SYPL1: variants seen among roughly 807,000 people sequenced by gnomAD.
SYPL1 encodes synaptophysin-like protein 1.
SYPL1 carries 6 observed loss-of-function variants against 23.7 expected under a neutral mutation model. That is an observed-to-expected ratio of 0.25 (90% CI 0.14 to 0.50). SYPL1 has a LOEUF of 0.50. Among genes scored for constraint, SYPL1 ranks in the 20% least tolerant of loss-of-function variants. The pLI is 0.98. For synonymous variants in SYPL1, 102 were observed against 104.5 expected (o/e 0.98, Z 0.15); for missense variants, 253 against 288.9 (o/e 0.88, Z 0.90).
intron 1 of SYPL1, among the ~76,000 whole-genome samples, chr7:106,105,482 A>G (rs1346707893): frequency 1.3e-5 from 2 of 148,938 alleles, no homozygotes; most frequent in African/African-American, 5.0e-5. Flanking sequence ...CCAGAGAAAC[A>G]GTCCCACTTA....
rs1585934300 is a variant in SYPL1 at position 106,093,598 on chromosome 7, C to T, written c.403-461G>A. Among the ~76,000 whole-genome samples the T allele has an allele frequency of 7.1e-5, 5 of 70,104 alleles. 2 individuals are homozygous for T. In the Admixed American group the frequency reaches 1.1e-3, roughly 15 times the overall value. 46.0% of individuals were successfully genotyped at this position (70,104 alleles called of 152,430 possible). A position where few individuals can be genotyped will look rare whatever the true frequency, so the allele number is the denominator to read the frequency against. ...CACCAAGACCTACAATCTGATCCTA[C>T]TGCTTTCTTACTGTATCACCACTTC... On this transcript the variant is annotated intron_variant, in intron 3 of 4. Transcript: ENST00000455385.
upstream of SYPL1, chr7:106,112,510 A>G (rs1213367782): frequency 1.3e-6 from 2 of 1,523,740 alleles, no homozygotes; most frequent in Non-Finnish European, 1.8e-6. Context: ...CTGGCGAACC[A>G]AGTAGATGTT....
At chr7:106,094,200 GT>G (rs1326567068) in intron 3 of SYPL1, among the ~76,000 whole-genome samples, 2 of 152,096 alleles carry the variant, frequency 1.3e-5, no homozygotes, top group Non-Finnish European at 2.9e-5. Flanking sequence ...AACCCAATTA[GT>G]TTTTAATTAT....
rs567592488 is a variant in SYPL1 at position 106,095,795 on chromosome 7, A to T, written c.402+1895T>A. Among the ~76,000 whole-genome samples the T allele has an allele frequency of 2.7e-4, 41 of 152,344 alleles. No homozygotes were observed. Among genetic ancestry groups the T allele is most frequent in the African/African-American group, 9.6e-4 (40 of 41,582 alleles). On this transcript the variant is annotated intron_variant, in intron 3 of 4. Coordinates refer to ENST00000455385, the MANE Select transcript of SYPL1 (RefSeq NM_182715.4). The surrounding 1 kb of genome is among the most constrained non-coding windows in gnomAD (Gnocchi z 4.3). The stretch of plus-strand genomic sequence containing the variant: ...TTAAGGAATTTTGGATTATCTCTTT[A>T]TATGACCACTAATTGGTCATTCTGA...
At chr7:106,105,582 T>C (rs1316096305) in intron 1 of SYPL1, among the ~76,000 whole-genome samples, 2 of 149,762 alleles carry the variant, frequency 1.3e-5, no homozygotes, top group Non-Finnish European at 3.0e-5. Context: ...TACAGCCTGG[T>C]TTTCCAGAGC....
chr7:106,108,739 T>C (rs555598735), intron 1 of SYPL1, among the ~76,000 whole-genome samples: 2 of 152,200 alleles, frequency 1.3e-5, no homozygotes, highest in Non-Finnish European at 2.9e-5. Flanking sequence ...AATTTGGGAA[T>C]AGTCTTTCTC....
upstream of SYPL1, chr7:106,112,541 C>T: frequency 6.6e-7 from 1 of 1,507,894 alleles, no homozygotes; most frequent in Non-Finnish European, 8.8e-7. Flanking sequence ...CTGCGTGCGC[C>T]GCGCCCCCTT....
Position 106,100,122 on chromosome 7 carries a change from C to G in SYPL1, c.70-840G>C, listed in dbSNP as rs1408642113. 6.6e-6 allele frequency among the ~76,000 whole-genome samples: 1 copy of G among 152,154 alleles called. No individual in the cohort carries two copies. The highest frequency in any genetic ancestry group is 2.4e-5 in the African/African-American group (1 of 41,436). ...GTAATTTGTAAAGCCAAGAGGTTGT[C>G]AGCAGAGAAGAGACACTATTTCATG... On this transcript the variant is annotated intron_variant, in intron 1 of 4. Transcript: ENST00000455385. The surrounding 1 kb of genome is among the most constrained non-coding windows in gnomAD (Gnocchi z 5.1).
At chr7:106,093,202 T>C in intron 3 of SYPL1, 65 bp from the exon 4 acceptor site, 1 of 1,395,600 alleles carries the variant, frequency 7.2e-7, no homozygotes, top group South Asian at 1.5e-5. Flanking sequence ...TTCAAATCCA[T>C]GATGAAGAAA....
rs113592807 is a variant in SYPL1, at chr7:106,107,599, G to C, written c.69+4541C>G. 4.2e-3 allele frequency among the ~76,000 whole-genome samples: 640 copies of C among 152,138 alleles called. 7 individuals are homozygous for C. The highest frequency in any genetic ancestry group is 0.014 in the African/African-American group (597 of 41,508). On this transcript the variant is annotated intron_variant, in intron 1 of 4. Coordinates refer to ENST00000455385, the MANE Select transcript of SYPL1 (RefSeq NM_182715.4). ...TCTACTAAAAATACAAAAATTAGCC[G>C]GGCAAGGTGGCACACGCCTGTAGTC... is the stretch of plus-strand genomic sequence containing the variant.
intron 1 of SYPL1, among the ~76,000 whole-genome samples, chr7:106,106,494 G>A (rs1400189965): frequency 6.6e-6 from 1 of 151,202 alleles, no homozygotes; most frequent in Non-Finnish European, 1.5e-5. Flanking sequence ...GGAAGTTGCA[G>A]TGAGCCGAGA....
At chr7:106,112,529 T>C (rs775560792), upstream of SYPL1, 4 of 1,515,800 alleles carry the variant, frequency 2.6e-6, no homozygotes, top group East Asian at 2.9e-5. Context: ...TTGGGCGCCA[T>C]ACTGCGTGCG....
chr7:106,108,601 T>C (rs1312309155), intron 1 of SYPL1, among the ~76,000 whole-genome samples: 2 of 152,190 alleles, frequency 1.3e-5, no homozygotes, highest in Non-Finnish European at 2.9e-5. Context: ...AGCCTGCAAG[T>C]AGATTGGTCC....
chr7:106,093,984 A>G (rs911623335), intron 3 of SYPL1, among the ~76,000 whole-genome samples: 14 of 152,250 alleles, frequency 9.2e-5, no homozygotes, highest in African/African-American at 3.1e-4. Flanking sequence ...TTAATATTTT[A>G]GATCATAAGT....
chr7:106,108,087 C>T (rs987966140), intron 1 of SYPL1, among the ~76,000 whole-genome samples: 7 of 151,842 alleles, frequency 4.6e-5, no homozygotes, highest in Admixed American at 2.6e-4. Flanking sequence ...CCCAGCTACT[C>T]GGGAGACTAA....
At chr7:106,094,613 TAG>T in intron 3 of SYPL1, among the ~76,000 whole-genome samples, 1 of 152,312 alleles carries the variant, frequency 6.6e-6, no homozygotes, top group Admixed American at 6.5e-5. Flanking sequence ...CTGCTGCAGG[TAG>T]ACATTTTCTA....
At chr7:106,094,055 A>G (rs1267682148) in intron 3 of SYPL1, among the ~76,000 whole-genome samples, 1 of 152,222 alleles carries the variant, frequency 6.6e-6, no homozygotes, top group Non-Finnish European at 1.5e-5. Context: ...TAAAATTTGT[A>G]TCTTTTGGAT....
chr7:106,105,144 T>C (rs1217997747), intron 1 of SYPL1, among the ~76,000 whole-genome samples: 1 of 152,146 alleles, frequency 6.6e-6, no homozygotes, highest in African/African-American at 2.4e-5. Context: ...GCCCTCAGGA[T>C]GTGTGTTAGT....
Position 106,091,962 on chromosome 7 carries a change from T to C in SYPL1, c.592-23A>G. ...TATCTATGAAAGAGAAAAAGAAATA[T>C]GAAAATCAAATACCTACTTATAAAA... On this transcript the variant is annotated intron_variant, in intron 4 of 4. Coordinates refer to ENST00000455385, the MANE Select transcript of SYPL1 (RefSeq NM_182715.4). The surrounding 1 kb of genome is among the most constrained non-coding windows in gnomAD (Gnocchi z 5.0). The C allele has an allele frequency of 1.3e-6, 2 of 1,584,106 alleles. No homozygotes were observed. Among genetic ancestry groups the C allele is most frequent in the Non-Finnish European group, 8.5e-7 (1 of 1,170,516 alleles).
Sources: allele counts gnomAD v4.1 joint callset (sites outside exome capture counted in the v4.1 genomes callset), GRCh38; gene constraint gnomAD v4.1.1; non-coding constraint Gnocchi (gnomAD v3.1); transcripts MANE v1.5; gene names NCBI Gene and HGNC (gene_info 2026-07-23, HGNC 2026-07-21).